The following RUFY3 variants were observed in gnomAD, a reference collection of about 807,000 sequenced individuals.
RUFY3 encodes RUN and FYVE domain containing 3, also known as protein RUFY3.
Under a neutral mutation model 84.0 loss-of-function variants are expected in RUFY3, and 34 were observed. The observed-to-expected ratio is 0.40, with a 90% CI of 0.31 to 0.54. The LOEUF (loss-of-function observed/expected upper bound fraction) is 0.54. Among genes scored for constraint, RUFY3 ranks in the 20% least tolerant of loss-of-function variants. The pLI is 0.39. For missense variants in RUFY3, 507 were observed against 736.8 expected, an observed-to-expected ratio of 0.69 and a Z score of 3.61; for synonymous variants, 242 against 252.9, an observed-to-expected ratio of 0.96 and a Z score of 0.41.
chr4:70,805,201 G>A (rs1359990872), intron 17 of RUFY3, among the ~76,000 whole-genome samples: 2 of 152,176 alleles, frequency 1.3e-5, no homozygotes, highest in Non-Finnish European at 2.9e-5. Flanking sequence ...TCGCTCCAAA[G>A]TCCACAGTCC....
At chr4:70,785,714 G>T (rs1309757542) in intron 10 of RUFY3, among the ~76,000 whole-genome samples, 2 of 151,856 alleles carry the variant, frequency 1.3e-5, no homozygotes, top group Non-Finnish European at 2.9e-5. Flanking sequence ...GCATGCACCT[G>T]TAATCCCAGC....
At chr4:70,789,421 G>T in intron 11 of RUFY3, 74 bp from the exon 12 acceptor site, 1 of 1,326,436 alleles carries the variant, frequency 7.5e-7, no homozygotes, top group Non-Finnish European at 1.0e-6. Flanking sequence ...CTTACCATTA[G>T]ATTCAAAAGG....
intron 1 of RUFY3, among the ~76,000 whole-genome samples, chr4:70,736,989 C>T (rs1485645583): frequency 6.6e-6 from 1 of 152,164 alleles, no homozygotes; most frequent in Non-Finnish European, 1.5e-5. Flanking sequence ...GAATATTTAA[C>T]CAATTTTTAG....
intron 5 of RUFY3, among the ~76,000 whole-genome samples, chr4:70,773,119 C>T (rs572348342): frequency 2.0e-5 from 3 of 152,232 alleles, no homozygotes; most frequent in African/African-American, 7.2e-5. Flanking sequence ...ATATTACTTC[C>T]CCTTTTTTTT....
chr4:70,806,895 A>T lies in RUFY3; in HGVS notation c.*236A>T. On this transcript the variant is annotated 3_prime_UTR_variant, in exon 18 of 18. Coordinates refer to ENST00000381006, the MANE Select transcript of RUFY3 (RefSeq NM_001037442.4). ...GAGCCTTTCTCTTCTAAATCTAAAC[A>T]ACCTGATATTGAAGGTTTGCTTTAT... is the stretch of plus-strand genomic sequence containing the variant. 1 of 407,764 alleles carries T rather than the reference A, an allele frequency of 2.5e-6. No individual in the cohort carries two copies. Among genetic ancestry groups the T allele is most frequent in the Non-Finnish European group, 4.4e-6 (1 of 229,838 alleles). The allele number at this position is 407,764 out of a possible 1,614,324, so 25.3% of individuals were successfully genotyped here.
At chr4:70,726,890 A>G (rs1434907371) in intron 1 of RUFY3, among the ~76,000 whole-genome samples, 1 of 152,214 alleles carries the variant, frequency 6.6e-6, no homozygotes. Context: ...TGCTTGTGCC[A>G]TGTCAGTGCT....
At chr4:70,779,835 A>G (rs1728606107) in intron 8 of RUFY3, among the ~76,000 whole-genome samples, 1 of 151,966 alleles carries the variant, frequency 6.6e-6, no homozygotes, top group African/African-American at 2.4e-5. Flanking sequence ...CGGCCTTCCA[A>G]AGTGCTAGAA....
upstream of RUFY3, chr4:70,704,591 C>T (rs1577856929): frequency 5.4e-6 from 1 of 186,680 alleles, no homozygotes; most frequent in Middle Eastern, 2.0e-3. Flanking sequence ...GGCAGTCAGC[C>T]CAGCCGGAGG....
intron 8 of RUFY3, among the ~76,000 whole-genome samples, chr4:70,779,238 A>C (rs1728490290): frequency 1.3e-5 from 2 of 152,316 alleles, no homozygotes; most frequent in South Asian, 4.1e-4. Flanking sequence ...ATCCCTGCCT[A>C]CAAATCATGC....
intron 1 of RUFY3, among the ~76,000 whole-genome samples, chr4:70,751,134 G>A (rs1723069921): frequency 6.6e-6 from 1 of 152,160 alleles, no homozygotes; most frequent in South Asian, 2.1e-4. Context: ...GGTATACTGT[G>A]TGATGCTGAG....
intron 6 of RUFY3, among the ~76,000 whole-genome samples, chr4:70,773,893 G>T (rs1052533384): frequency 9.2e-5 from 14 of 152,074 alleles, no homozygotes; most frequent in African/African-American, 2.9e-4. Flanking sequence ...CAGAGGAGTC[G>T]CATTCTCAGT....
At chr4:70,738,939 C>T (rs1347301876) in intron 1 of RUFY3, among the ~76,000 whole-genome samples, 1 of 151,138 alleles carries the variant, frequency 6.6e-6, no homozygotes, top group African/African-American at 2.4e-5. Context: ...TGTTCTTGAA[C>T]TCATGGGCTA....
chr4:70,715,318 ATGCCTGTAATCCCCCAGCACTTTG>A (rs1741433070), intron 1 of RUFY3, among the ~76,000 whole-genome samples: 1 of 152,198 alleles, frequency 6.6e-6, no homozygotes, highest in Non-Finnish European at 1.5e-5. Context: ...GCGGTGGCTC[ATGCCTGTAATCCCCCAGCACTTTG>A]GGAGGCCGAG....
chr4:70,732,281 T>C (rs935359205), intron 1 of RUFY3, among the ~76,000 whole-genome samples: 2 of 152,230 alleles, frequency 1.3e-5, no homozygotes, highest in African/African-American at 4.8e-5. Flanking sequence ...TGAAATTATA[T>C]AGAAAGTTCT....
At chr4:70,715,588 CAAAA>C (rs886636641) in intron 1 of RUFY3, among the ~76,000 whole-genome samples, 1,714 of 46,574 alleles carry the variant, frequency 0.037, 6 homozygotes, top group South Asian at 0.062. Context: ...ACACTATCTC[CAAAA>C]AAAAAAAAAA....
intron 4 of RUFY3, 24 bp downstream of exon 4, chr4:70,764,600 CTTCTTTCCTTGGTATG>C: frequency 7.3e-7 from 1 of 1,374,564 alleles, no homozygotes; most frequent in Non-Finnish European, 1.0e-6. Flanking sequence ...CTTGAACTTT[CTTCTTTCCTTGGTATG>C]TTCTACATCG....
intron 1 of RUFY3, among the ~76,000 whole-genome samples, chr4:70,714,099 A>C (rs1741305095): frequency 6.6e-6 from 1 of 152,168 alleles, no homozygotes; most frequent in Non-Finnish European, 1.5e-5. Context: ...GGGCACAGAG[A>C]AGTAACTTGC....
chr4:70,748,096 C>T (rs1179789155), intron 1 of RUFY3, among the ~76,000 whole-genome samples: 1 of 152,202 alleles, frequency 6.6e-6, no homozygotes, highest in Non-Finnish European at 1.5e-5. Flanking sequence ...TGATTCTCTT[C>T]CCTCAAATTC....
intron 1 of RUFY3, among the ~76,000 whole-genome samples, chr4:70,740,047 GA>G (rs948648906): frequency 6.7e-6 from 1 of 149,486 alleles, no homozygotes; most frequent in Admixed American, 6.6e-5. Context: ...GTCTAAGAAT[GA>G]AAAAAAATCA....
Sources: gnomAD v4.1 joint callset for allele counts (sites outside exome capture counted in the v4.1 genomes callset) on GRCh38, gnomAD v4.1.1 for gene constraint, MANE v1.5 for transcripts, NCBI Gene and HGNC (gene_info 2026-07-23, HGNC 2026-07-21) for gene names.